ALDH3B1: variants seen among roughly 807,000 people sequenced by gnomAD.
The protein encoded by ALDH3B1 is aldehyde dehydrogenase 3 family member B1, also known as aldehyde dehydrogenase family 3 member B1.
In ALDH3B1, 37 loss-of-function variants were observed where a neutral mutation model predicts 46.2. That is an observed-to-expected ratio of 0.80 (90% CI 0.62 to 1.05). ALDH3B1 has a LOEUF of 1.05. ALDH3B1 is among the 50% of genes least tolerant of loss of function. ALDH3B1 has a pLI of 0.00. For synonymous variants in ALDH3B1, 283 were observed against 281.0 expected, an observed-to-expected ratio of 1.01 and a Z score of -0.07; for missense variants, 603 against 665.5, an observed-to-expected ratio of 0.91 and a Z score of 1.03.
In ALDH3B1 at chr11:68,028,141, G is replaced by A. The variant is rs1590785810; in HGVS notation, c.*202G>A. The A allele has an allele frequency of 1.3e-6, 1 of 792,076 alleles. No homozygotes were observed. Among genetic ancestry groups the A allele is most frequent in the Non-Finnish European group, 2.2e-6 (1 of 448,170 alleles). The allele number at this position is 792,076 out of a possible 1,614,324, so 49.1% of individuals were successfully genotyped here. On this transcript the variant is annotated 3_prime_UTR_variant, in exon 10 of 10. Transcript: ENST00000342456. ...CTCCCTCAGCCGCTCCCAACCATGA[G>A]AGCCGAGGTGGGAGGCATGGGAAAC... is the stretch of plus-strand genomic sequence containing the variant.
At position 68,013,378 on chromosome 11, in the gene ALDH3B1, G is replaced by A. The variant is rs150385717; in HGVS notation, c.-1-1919G>A. Among the ~76,000 whole-genome samples, 474 of 152,314 alleles carry A rather than the reference G, an allele frequency of 3.1e-3. 4 individuals carry two copies. Among genetic ancestry groups the A allele is most frequent in the African/African-American group, 0.01 (428 of 41,570 alleles). ...TCCCGGCCCACAGTCCACCATTCACGTTACGTGCCTTGCATTTTTGTGGTT... is the reference window on the plus strand; with the variant it reads ...TCCCGGCCCACAGTCCACCATTCACATTACGTGCCTTGCATTTTTGTGGTT... On this transcript the variant is annotated intron_variant, in intron 1 of 9. Transcript: ENST00000342456.
chr11:68,021,396 C>T (rs1857488474), intron 6 of ALDH3B1, 89 bp from the exon 7 acceptor site: 1 of 1,525,880 alleles, frequency 6.6e-7, no homozygotes, highest in Non-Finnish European at 8.8e-7. Context: ...GACTCCACCA[C>T]CTCTCCAGGG....
intron 1 of ALDH3B1, among the ~76,000 whole-genome samples, chr11:68,012,214 G>C (rs557155961): frequency 2.0e-5 from 3 of 152,166 alleles, no homozygotes; most frequent in Non-Finnish European, 4.4e-5. Flanking sequence ...TGGGGGCAGC[G>C]GCTCGGCCAG....
chr11:68,026,565 T>A (rs1857628272), intron 9 of ALDH3B1, among the ~76,000 whole-genome samples: 1 of 151,024 alleles, frequency 6.6e-6, no homozygotes. Flanking sequence ...GAGGCCCGGA[T>A]GAGTGCCAAT....
At chr11:68,008,585 C>T (rs1857171392), upstream of ALDH3B1, 1 of 152,196 alleles carries the variant, frequency 6.6e-6, no homozygotes, top group Admixed American at 6.5e-5. Context: ...CTGGGGGCTC[C>T]ATCCCACACA....
chr11:68,022,470 T>G, intron 7 of ALDH3B1, 125 bp from the exon 8 acceptor site: 2 of 1,287,724 alleles, frequency 1.6e-6, no homozygotes, highest in Non-Finnish European at 1.0e-6. Flanking sequence ...CCTGAAGCCT[T>G]GGGAAGTCAG....
At chr11:68,010,952 T>C (rs1188484265) in intron 1 of ALDH3B1, among the ~76,000 whole-genome samples, 2 of 152,198 alleles carry the variant, frequency 1.3e-5, no homozygotes, top group Non-Finnish European at 2.9e-5. Flanking sequence ...CCGGGAACTG[T>C]GCCCCATCAG....
chr11:68,015,109 G>A, intron 1 of ALDH3B1, 188 bp from the exon 2 acceptor site: 1 of 565,100 alleles, frequency 1.8e-6, no homozygotes, highest in Non-Finnish European at 3.0e-6. Flanking sequence ...TGGGTGAAAG[G>A]GGTTGCAGGC....
At chr11:68,012,675 C>T (rs1005183920) in intron 1 of ALDH3B1, among the ~76,000 whole-genome samples, 2 of 152,228 alleles carry the variant, frequency 1.3e-5, no homozygotes, top group Non-Finnish European at 2.9e-5. Context: ...CCTCCCCTCA[C>T]CGGTCACCCC....
chr11:68,026,375 A>T (rs184300776), intron 9 of ALDH3B1, among the ~76,000 whole-genome samples: 18 of 152,266 alleles, frequency 1.2e-4, no homozygotes, highest in Admixed American at 5.2e-4. Context: ...GTGAATTTTT[A>T]AAAATACCAC....
At chr11:68,014,265 T>C (rs186817564) in intron 1 of ALDH3B1, among the ~76,000 whole-genome samples, 3 of 152,080 alleles carry the variant, frequency 2.0e-5, no homozygotes, top group East Asian at 1.9e-4. Flanking sequence ...ATTTATCACA[T>C]GGCACAACTC....
chr11:68,017,649 G>T (rs1857380511), intron 2 of ALDH3B1: 1 of 152,148 alleles, frequency 6.6e-6, no homozygotes, highest in African/African-American at 2.4e-5. Context: ...TATTGATTCG[G>T]GTCTCCTCAC....
At chr11:68,018,264 C>T (rs1857395293) in intron 2 of ALDH3B1, 2 of 508,934 alleles carry the variant, frequency 3.9e-6, no homozygotes, top group Non-Finnish European at 7.1e-6. Context: ...CTAGCACAGC[C>T]ACGTCCTAAT....
intron 9 of ALDH3B1, 50 bp downstream of exon 9, chr11:68,026,158 T>G: frequency 6.9e-7 from 1 of 1,441,812 alleles, no homozygotes; most frequent in African/African-American, 1.4e-5. Context: ...CAAATTGCAA[T>G]AGTGTTACCT....
At position 68,029,129 on chromosome 11, in the gene ALDH3B1, G is replaced by A. The variant is rs544357940; in HGVS notation, c.*1190G>A. On this transcript the variant is annotated 3_prime_UTR_variant, in exon 10 of 10. Transcript: ENST00000342456. The stretch of plus-strand genomic sequence containing the variant: ...ATGAGAGGCTGCTCCTGCGGCCTGC[G>A]GGCCACCTCCTCTTCCTTGGCTCCT... 22 of 152,390 alleles carry A rather than the reference G, an allele frequency of 1.4e-4. No individual in the cohort carries two copies. The highest frequency in any genetic ancestry group is 4.8e-4 in the African/African-American group (20 of 41,576). The allele number at this position is 152,390 out of a possible 1,614,324, so 9.4% of individuals were successfully genotyped here. A position where few individuals can be genotyped will look rare whatever the true frequency, so the allele number is the denominator to read the frequency against.
chr11:68,014,524 C>T (rs1009082880), intron 1 of ALDH3B1, among the ~76,000 whole-genome samples: 3 of 152,206 alleles, frequency 2.0e-5, no homozygotes, highest in Non-Finnish European at 4.4e-5. Flanking sequence ...ACCCTGCCTG[C>T]CAGCTCTGGC....
intron 1 of ALDH3B1, among the ~76,000 whole-genome samples, chr11:68,011,081 C>T (rs1857219659): frequency 6.6e-6 from 1 of 152,198 alleles, no homozygotes; most frequent in Non-Finnish European, 1.5e-5. Context: ...TGGGAGGCCT[C>T]ATGAAAATCC....
chr11:68,026,954 C>T (rs1857639666), intron 9 of ALDH3B1, among the ~76,000 whole-genome samples: 1 of 152,150 alleles, frequency 6.6e-6, no homozygotes, highest in Non-Finnish European at 1.5e-5. Context: ...CCTCAACCCG[C>T]CTCCCTGCCC....
chr11:68,012,751 C>T (rs1337451185), intron 1 of ALDH3B1, among the ~76,000 whole-genome samples: 2 of 152,240 alleles, frequency 1.3e-5, no homozygotes, highest in African/African-American at 2.4e-5. Context: ...AGCCCAGTGT[C>T]CCTTCCCCCA....
Sources: allele counts gnomAD v4.1 joint callset (sites outside exome capture counted in the v4.1 genomes callset), GRCh38; gene constraint gnomAD v4.1.1; transcripts MANE v1.5; gene names NCBI Gene and HGNC (gene_info 2026-07-23, HGNC 2026-07-21).